The following FXYD6 variants were observed in gnomAD, a reference collection of about 807,000 sequenced individuals.
The protein encoded by FXYD6 is FXYD domain containing ion transport regulator 6, also known as FXYD domain-containing ion transport regulator 6.
In FXYD6, 7 loss-of-function variants were observed where a neutral mutation model predicts 16.7. The ratio of observed to expected loss-of-function variants is 0.42; its 90% confidence interval spans 0.24 to 0.79. The LOEUF is 0.79. Among genes scored for constraint, FXYD6 ranks in the 30% least tolerant of loss-of-function variants. FXYD6 has a pLI of 0.28. For synonymous variants in FXYD6, 49 were observed against 43.0 expected (o/e 1.14, Z -0.54); for missense variants, 111 against 116.2 (o/e 0.95, Z 0.21).
intron 1 of FXYD6, 61 bp from the exon 2 acceptor site, chr11:117,842,842 AAGCGTCAGCCT>A: frequency 2.0e-6 from 3 of 1,535,884 alleles, no homozygotes; most frequent in Non-Finnish European, 2.6e-6. Flanking sequence ...CGTCAGCTCC[AAGCGTCAGCCT>A]GACCAGGGGC....
intron 7 of FXYD6, 110 bp from the exon 8 acceptor site, chr11:117,838,387 C>T: frequency 1.4e-6 from 1 of 691,164 alleles, no homozygotes; most frequent in South Asian, 1.5e-5. Context: ...GGTATGACAG[C>T]CTCGTCTGAG....
At chr11:117,840,692 C>T (rs73018488) in intron 5 of FXYD6, among the ~76,000 whole-genome samples, 75 of 152,222 alleles carry the variant, frequency 4.9e-4, no homozygotes, top group South Asian at 3.1e-3. Context: ...TTATAGTAAA[C>T]TAATGGGGTA....
chr11:117,871,538 G>T (rs888203019), intron 1 of FXYD6, among the ~76,000 whole-genome samples: 4 of 152,138 alleles, frequency 2.6e-5, no homozygotes, highest in African/African-American at 9.7e-5. Flanking sequence ...GGACATTCAC[G>T]GTATATGAGT....
chr11:117,841,570 C>G, intron 4 of FXYD6: 1 of 616,806 alleles, frequency 1.6e-6, no homozygotes, highest in Non-Finnish European at 2.9e-6. Context: ...TCGTTCCTAT[C>G]TATGCTCATT....
intron 6 of FXYD6, 167 bp downstream of exon 6, chr11:117,840,152 T>G: frequency 1.2e-6 from 1 of 810,512 alleles, no homozygotes; most frequent in Non-Finnish European, 2.0e-6. Context: ...AGTAGCCTGT[T>G]TGGTGGAGTG....
intron 5 of FXYD6, 24 bp from the exon 6 acceptor site, chr11:117,840,392 C>G: frequency 1.9e-6 from 3 of 1,614,100 alleles, no homozygotes; most frequent in Non-Finnish European, 2.5e-6. Flanking sequence ...AGACACACAG[C>G]CCCATCAGAG....
intron 1 of FXYD6, chr11:117,844,104 C>CA (rs1488569005): frequency 6.6e-6 from 1 of 152,520 alleles, no homozygotes; most frequent in Non-Finnish European, 1.5e-5. Flanking sequence ...CCAGCACGGT[C>CA]ACTACCTTCC....
In FXYD6 at chr11:117,841,812, C is replaced by T. The variant is rs777049693; in HGVS notation, c.151G>A (p.Val51Ile). 6 of 1,613,936 alleles carry T rather than the reference C, an allele frequency of 3.7e-6. No individual in the cohort carries two copies. Among genetic ancestry groups the T allele is most frequent in the Non-Finnish European group, 4.2e-6 (5 of 1,180,020 alleles). Residue 51 changes from valine (V) to isoleucine (I), a missense_variant, in exon 4 of 8, where the codon GTT becomes ATT. Physicochemically the swap from Val to Ile is conservative, Grantham distance 29. Coordinates refer to ENST00000526014, the MANE Select transcript of FXYD6 (RefSeq NM_022003.4). ...GLVFAVVLFS[V>I]GILLILSRRC... The stretch of plus-strand genomic sequence containing the variant: ...TTACTTAGGATAAGGAGGATCCCAA[C>T]CGAGAAGAGGACCACAGCGAACACC...
chr11:117,859,738 T>C (rs1028063196), intron 1 of FXYD6, among the ~76,000 whole-genome samples: 66 of 152,240 alleles, frequency 4.3e-4, no homozygotes, highest in African/African-American at 1.6e-3. Flanking sequence ...TCCCCCTATT[T>C]TCCTTCCAAA....
chr11:117,851,406 T>G (rs994601205), intron 1 of FXYD6, among the ~76,000 whole-genome samples: 3 of 152,208 alleles, frequency 2.0e-5, no homozygotes, highest in African/African-American at 7.2e-5. Flanking sequence ...AAAAGCCTGC[T>G]AAGAAATACA....
chr11:117,854,737 C>G (rs149483828), intron 1 of FXYD6, among the ~76,000 whole-genome samples: 2 of 152,118 alleles, frequency 1.3e-5, no homozygotes, highest in Admixed American at 1.3e-4. Context: ...GACATTCCAG[C>G]GGAACCTTAA....
chr11:117,850,351 GTTACTGTC>G (rs1169221178), intron 1 of FXYD6, among the ~76,000 whole-genome samples: 1 of 151,960 alleles, frequency 6.6e-6, no homozygotes, highest in Admixed American at 6.5e-5. Flanking sequence ...GTTTAAAACT[GTTACTGTC>G]CTCTGAGTTG....
At chr11:117,855,276 T>A (rs2056698066) in intron 1 of FXYD6, among the ~76,000 whole-genome samples, 1 of 152,186 alleles carries the variant, frequency 6.6e-6, no homozygotes, top group Non-Finnish European at 1.5e-5. Flanking sequence ...TCTCTACTCC[T>A]GCAAGCTGCT....
intron 4 of FXYD6, 47 bp downstream of exon 4, chr11:117,841,743 CA>C (rs774829031): frequency 6.2e-7 from 1 of 1,608,282 alleles, no homozygotes; most frequent in Non-Finnish European, 8.5e-7. Context: ...ACCTGCTTAG[CA>C]GCCTCAGTCA....
rs2056292458 is a variant in FXYD6, at chr11:117,839,726, C to A, written c.*21+55G>T. The A allele has an allele frequency of 2.5e-6, 4 of 1,609,070 alleles. No individual in the cohort carries two copies. The African/African-American group carries it at 4.0e-5, about 16-fold the overall frequency. ...CTTCCCGCCTGAACCCCTGTCCAGGCCCTGATGCAGACGGTGATGGCAACA... is the reference window on the plus strand; with the variant it reads ...CTTCCCGCCTGAACCCCTGTCCAGGACCTGATGCAGACGGTGATGGCAACA... On this transcript the variant is annotated intron_variant, in intron 7 of 7. Coordinates refer to ENST00000526014, the MANE Select transcript of FXYD6 (RefSeq NM_022003.4).
intron 1 of FXYD6, among the ~76,000 whole-genome samples, chr11:117,863,397 C>G (rs911686436): frequency 6.6e-6 from 1 of 151,562 alleles, no homozygotes; most frequent in African/African-American, 2.4e-5. Context: ...CATTTGACAT[C>G]AACATCCTCC....
chr11:117,862,974 T>C (rs1393090824), intron 1 of FXYD6, among the ~76,000 whole-genome samples: 8 of 152,148 alleles, frequency 5.3e-5, no homozygotes, highest in African/African-American at 1.4e-4. Context: ...GATGATGATG[T>C]GATGATGTTA....
intron 1 of FXYD6, among the ~76,000 whole-genome samples, chr11:117,851,320 C>T (rs976572038): frequency 6.6e-6 from 1 of 152,178 alleles, no homozygotes; most frequent in Admixed American, 6.5e-5. Context: ...ATTGCTTGTT[C>T]TGAGTCAAGC....
chr11:117,867,389 A>T (rs1265707504), intron 1 of FXYD6, among the ~76,000 whole-genome samples: 1 of 152,134 alleles, frequency 6.6e-6, no homozygotes, highest in Admixed American at 6.6e-5. Flanking sequence ...CCATGCTCGC[A>T]CTTGCAGTAT....
Sources: allele counts gnomAD v4.1 joint callset (sites outside exome capture counted in the v4.1 genomes callset), GRCh38; gene constraint gnomAD v4.1.1; transcripts MANE v1.5; gene names NCBI Gene and HGNC (gene_info 2026-07-23, HGNC 2026-07-21).